Variants in JADE3 observed in about 807,000 individuals in gnomAD.
JADE3 encodes the protein protein Jade-3.
A neutral mutation model predicts 50.1 loss-of-function variants in JADE3; 2 were observed. That is an observed-to-expected ratio of 0.04 (90% confidence interval 0.02 to 0.13). JADE3 has a LOEUF of 0.13. Among genes scored for constraint, JADE3 ranks in the 10% least tolerant of loss-of-function variants. JADE3 has a pLI of 1.00. For synonymous variants in JADE3, 218 were observed against 232.9 expected (o/e 0.94, Z 0.58); for missense variants, 475 against 634.4 (o/e 0.75, Z 2.70).
intron 1 of JADE3, among the ~76,000 whole-genome samples, chrX:46,969,484 G>A (rs913968516): frequency 6.2e-5 from 7 of 112,292 alleles, no homozygotes; most frequent in East Asian, 2.8e-4. Flanking sequence ...GAAACTAAGC[G>A]TCACACTTCT....
chrX:46,921,396 T>C (rs1556337709), intron 1 of JADE3, among the ~76,000 whole-genome samples: 1 of 112,330 alleles, frequency 8.9e-6, no homozygotes, highest in East Asian at 2.8e-4. Flanking sequence ...TTTCTTCTTT[T>C]TCAGAGTTGT....
Position 47,054,172 on chromosome X carries a change from C to T in JADE3, c.987C>T (p.Ser329=). The change falls in exon 9 of 11, where the codon AGC becomes AGT. Residue 329 remains serine (S), a synonymous_variant. Transcript: ENST00000614628. ...TGACIQCSIK[S]CITAFHVTCA... is the part of the protein sequence containing the mutation. ...TCTTCCTACAGTGCTCTATAAAAAGCTGCATCACTGCCTTCCACGTCACCT... is the reference window on the plus strand; with the variant it reads ...TCTTCCTACAGTGCTCTATAAAAAGTTGCATCACTGCCTTCCACGTCACCT... 1 of 1,203,089 alleles carries T rather than the reference C, an allele frequency of 8.3e-7. No individual in the cohort carries two copies. Among genetic ancestry groups the T allele is most frequent in the Non-Finnish European group, 1.1e-6 (1 of 889,747 alleles).
At chrX:47,037,109 T>TAA (rs71704592) in intron 7 of JADE3, among the ~76,000 whole-genome samples, 382 of 83,175 alleles carry the variant, frequency 4.6e-3, no homozygotes, top group African/African-American at 0.014. Context: ...TAAAGTATAA[T>TAA]AAAAAAAAAA....
chrX:46,969,954 G>GA (rs782791815), intron 1 of JADE3, among the ~76,000 whole-genome samples: 1 of 112,064 alleles, frequency 8.9e-6, no homozygotes, highest in Non-Finnish European at 1.9e-5. Context: ...ACTTTAACTA[G>GA]AAAAAGAAGA....
intron 1 of JADE3, among the ~76,000 whole-genome samples, chrX:46,971,482 C>T (rs1388065612): frequency 2.7e-5 from 3 of 109,401 alleles, no homozygotes; most frequent in Admixed American, 9.8e-5. Flanking sequence ...GTTATTGGAA[C>T]TGGGGGCCTT....
intron 4 of JADE3, among the ~76,000 whole-genome samples, chrX:47,010,305 C>G (rs1446965088): frequency 9.0e-6 from 1 of 111,360 alleles, no homozygotes; most frequent in Non-Finnish European, 1.9e-5. Flanking sequence ...CTAGGCTCAC[C>G]ACAACCTCCG....
At chrX:47,054,040 A>T in intron 8 of JADE3, 118 bp from the exon 9 acceptor site, 1 of 481,700 alleles carries the variant, frequency 2.1e-6, no homozygotes, top group Non-Finnish European at 3.5e-6. Flanking sequence ...TCAGTTTAGG[A>T]CTAACTTTCT....
At chrX:46,940,813 C>T (rs981191893) in intron 1 of JADE3, among the ~76,000 whole-genome samples, 14 of 111,935 alleles carry the variant, frequency 1.3e-4, no homozygotes, top group African/African-American at 4.2e-4. Flanking sequence ...ATCTACACTA[C>T]GTATACATTT....
At chrX:47,019,561 A>G (rs1260149772) in intron 4 of JADE3, among the ~76,000 whole-genome samples, 1 of 111,744 alleles carries the variant, frequency 8.9e-6, no homozygotes. Context: ...TATCTAGTTC[A>G]TTTTTAAGGC....
intron 4 of JADE3, among the ~76,000 whole-genome samples, chrX:47,010,506 G>A (rs950829371): frequency 7.1e-5 from 8 of 112,124 alleles, no homozygotes; most frequent in Admixed American, 9.5e-5. Flanking sequence ...GTGAGCCACC[G>A]CGCCCGGCCA....
chrX:46,940,356 T>C lies in JADE3; in HGVS notation c.-12+27637T>C, dbSNP rs141262903. On this transcript the variant is annotated intron_variant, in intron 1 of 10. Coordinates refer to ENST00000614628, the MANE Select transcript of JADE3 (RefSeq NM_014735.5). ...AGGAGAGGTTGATAGGAGGAAAAGT[T>C]GGAGTTGTTTCTACCTAGGTATTTG... 5.3e-3 allele frequency among the ~76,000 whole-genome samples: 597 copies of C among 112,213 alleles called. 2 individuals are homozygous for C. Among genetic ancestry groups the C allele is most frequent in the South Asian group, 0.023 (62 of 2,708 alleles).
At chrX:46,956,724 TTTCC>T (rs1448157867) in intron 1 of JADE3, among the ~76,000 whole-genome samples, 2 of 109,740 alleles carry the variant, frequency 1.8e-5, no homozygotes, top group Non-Finnish European at 3.8e-5. Flanking sequence ...CCTTTCTTTC[TTTCC>T]TTCCTTCCTT....
In JADE3 at chrX:46,953,488, T is replaced by C. The variant is rs1170627540; in HGVS notation, c.-11-31396T>C. On this transcript the variant is annotated intron_variant, in intron 1 of 10. Transcript: ENST00000614628. ...GCCCATATTTTCTTTACAGATTTTA[T>C]AGTTGCATTTGGTCAACAGAAAGGT... Among the ~76,000 whole-genome samples the C allele has an allele frequency of 1.6e-4, 18 of 111,842 alleles. 1 individual carries two copies. The highest frequency in any genetic ancestry group is 5.9e-4 in the African/African-American group (18 of 30,763).
intron 3 of JADE3, among the ~76,000 whole-genome samples, chrX:46,995,746 T>G (rs1189650346): frequency 9.0e-6 from 1 of 111,583 alleles, no homozygotes; most frequent in Non-Finnish European, 1.9e-5. Context: ...GACATTCCCA[T>G]CCACTCAGCA....
At chrX:47,009,771 C>T (rs906793163) in intron 4 of JADE3, among the ~76,000 whole-genome samples, 9 of 108,907 alleles carry the variant, frequency 8.3e-5, no homozygotes, top group African/African-American at 2.7e-4. Flanking sequence ...ACTACAGGCG[C>T]ACACCACCGT....
rs189185308 is a variant in JADE3, at chrX:46,923,205, G to A, written c.-12+10486G>A. Reference sequence around the variant, plus strand: ...TTTTTAAGATCTTTTGTAGAGATGGGGTTTCACCATGTTGCCCAGAGTAGG... The same window carrying A: ...TTTTTAAGATCTTTTGTAGAGATGGAGTTTCACCATGTTGCCCAGAGTAGG... On this transcript the variant is annotated intron_variant, in intron 1 of 10. Transcript: ENST00000614628. Among the ~76,000 whole-genome samples, 38 of 107,484 alleles carry A rather than the reference G, an allele frequency of 3.5e-4. No homozygotes were observed. In the East Asian group the frequency reaches 9.7e-3, roughly 27 times the overall value. The allele number at this position is 107,484 out of a possible 115,157, so 93.3% of individuals were successfully genotyped here.
rs1317949419 is a variant in JADE3, at chrX:47,060,243, G to GC, written c.*1166_*1167insC. The GC allele has an allele frequency of 2.9e-5, 3 of 102,205 alleles. No individual in the cohort carries two copies. Among genetic ancestry groups the GC allele is most frequent in the Non-Finnish European group, 4.0e-5 (2 of 50,012 alleles). The allele number at this position is 102,205 out of a possible 1,213,427, so 8.4% of individuals were successfully genotyped here. A position where few individuals can be genotyped will look rare whatever the true frequency, so the allele number is the denominator to read the frequency against. On this transcript the variant is annotated 3_prime_UTR_variant, in exon 11 of 11. Transcript: ENST00000614628. The stretch of plus-strand genomic sequence containing the variant: ...AAGAGAATAATTACATTTGCGGGGG[G>GC]GGGGGTGGATAAAAACATGTCTGCT...
chrX:47,004,345 T>C (rs1350408815), intron 4 of JADE3, among the ~76,000 whole-genome samples: 2 of 112,560 alleles, frequency 1.8e-5, no homozygotes, highest in African/African-American at 6.5e-5. Context: ...GGTTAATTCT[T>C]ATTAAAATGT....
chrX:46,923,045 C>T (rs1038905045), intron 1 of JADE3, among the ~76,000 whole-genome samples: 1 of 110,944 alleles, frequency 9.0e-6, no homozygotes, highest in African/African-American at 3.3e-5. Context: ...TAAGGTCTCT[C>T]TCCGTTACCC....
Sources: gnomAD v4.1 joint callset for allele counts (sites outside exome capture counted in the v4.1 genomes callset) on GRCh38, gnomAD v4.1.1 for gene constraint, MANE v1.5 for transcripts, NCBI Gene and HGNC (gene_info 2026-07-23, HGNC 2026-07-21) for gene names.